The following SCAMP3 variants were observed in gnomAD, a reference collection of about 807,000 sequenced individuals.
SCAMP3 encodes the protein secretory carrier-associated membrane protein 3.
In SCAMP3, 30 loss-of-function variants were observed where a neutral mutation model predicts 44.1. That is an observed-to-expected ratio of 0.68 (90% CI 0.51 to 0.92). The LOEUF is 0.92. Ranked by LOEUF, SCAMP3 falls within the 40% of genes least tolerant of loss-of-function variation. SCAMP3 has a pLI of 0.00. For synonymous variants in SCAMP3, 168 were observed against 171.1 expected, an observed-to-expected ratio of 0.98 and a Z score of 0.14; for missense variants, 394 against 440.0, an observed-to-expected ratio of 0.90 and a Z score of 0.93.
At chr1:155,260,136 T>A (rs1360120492) in intron 4 of SCAMP3, among the ~76,000 whole-genome samples, 194 bp downstream of exon 4, 1 of 152,110 alleles carries the variant, frequency 6.6e-6, no homozygotes, top group Non-Finnish European at 1.5e-5. Context: ...GTGTGTGTAT[T>A]TTTAGTAGAT....
chr1:155,260,444 C>T lies in SCAMP3; in HGVS notation c.274G>A (p.Ala92Thr). The change falls in exon 4 of 9, where the codon GCT becomes ACT. Residue 92 changes from alanine to threonine, a missense_variant. Physicochemically the swap from Ala to Thr is moderately conservative, Grantham distance 58. Coordinates refer to ENST00000302631, the MANE Select transcript of SCAMP3 (RefSeq NM_005698.4). ...NYGSYSTQAS[A>T]AAATAELLKK... The stretch of plus-strand genomic sequence containing the variant: ...AGCAGCTCAGCTGTGGCTGCTGCAG[C>T]TGAGGCCTGCCCAGTGTGAGCAGAC... 1 of 1,614,196 alleles carries T rather than the reference C, an allele frequency of 6.2e-7. No individual in the cohort carries two copies. The highest frequency in any genetic ancestry group is 1.3e-5 in the African/African-American group (1 of 75,060).
chr1:155,262,211 G>A lies in SCAMP3; in HGVS notation c.-60C>T. 2 of 1,483,500 alleles carry A rather than the reference G, an allele frequency of 1.3e-6. No individual in the cohort carries two copies. Among genetic ancestry groups the A allele is most frequent in the South Asian group, 2.3e-5 (2 of 87,656 alleles). 91.9% of individuals were successfully genotyped at this position (1,483,500 alleles called of 1,614,324 possible). On this transcript the variant is annotated 5_prime_UTR_variant, in exon 1 of 9. Coordinates refer to ENST00000302631, the MANE Select transcript of SCAMP3 (RefSeq NM_005698.4). Reference sequence around the variant, plus strand: ...CCACGCCCCTGCCGCAGCAGTGGCGGTAGCGGTAGCCCTCAGAGTCCACTT... The same window carrying A: ...CCACGCCCCTGCCGCAGCAGTGGCGATAGCGGTAGCCCTCAGAGTCCACTT...
Position 155,262,285 on chromosome 1 carries a change from G to A in SCAMP3, c.-134C>T, listed in dbSNP as rs1224515379. On this transcript the variant is annotated 5_prime_UTR_variant, in exon 1 of 9. Coordinates refer to ENST00000302631, the MANE Select transcript of SCAMP3 (RefSeq NM_005698.4). ...TCTCTGTGCACGGATTGGTTCCACC[G>A]ACCGGAAGGGCCACAAGGATCCCCG... is the stretch of plus-strand genomic sequence containing the variant. 2.6e-6 allele frequency: 2 copies of A among 764,578 alleles called. No individual in the cohort carries two copies. The highest frequency in any genetic ancestry group is 4.1e-6 in the Non-Finnish European group (2 of 485,352). The allele number at this position is 764,578 out of a possible 1,614,324, so 47.4% of individuals were successfully genotyped here.
rs1297146975 is a variant in SCAMP3 at position 155,260,759 on chromosome 1, A to G, written c.145-100T>C. 3.7e-6 allele frequency: 4 copies of G among 1,077,312 alleles called. No individual in the cohort carries two copies. The African/African-American group carries it at 6.3e-5, about 17-fold the overall frequency. The allele number at this position is 1,077,312 out of a possible 1,614,324, so 66.7% of individuals were successfully genotyped here. A position where few individuals can be genotyped will look rare whatever the true frequency, so the allele number is the denominator to read the frequency against. ...AGACCCAGAACTCATGATGTAAGGA[A>G]GCAGCCTTTCCCCCATTTGTTAGGA... On this transcript the variant is annotated intron_variant, in intron 2 of 8. Transcript: ENST00000302631.
Position 155,262,088 on chromosome 1 carries a change from G to GA in SCAMP3, c.63dup (p.Gln22SerfsTer18), listed in dbSNP as rs1305673574. 1 of 1,614,132 alleles carries GA rather than the reference G, an allele frequency of 6.2e-7. No individual in the cohort carries two copies. Among genetic ancestry groups the GA allele is most frequent in the Non-Finnish European group, 8.5e-7 (1 of 1,179,962 alleles). On this transcript the variant is annotated frameshift_variant, in exon 1 of 9. Transcript: ENST00000302631. LOFTEE classifies it high-confidence loss of function. Reference sequence around the variant, plus strand: ...AGAGGCCGACTGGCGCAAGTCACCTGAAAGGGGTTGTCAAGCTCGCTGGGC... The same window carrying GA: ...AGAGGCCGACTGGCGCAAGTCACCTGAAAAGGGGTTGTCAAGCTCGCTGGGC...
At chr1:155,261,901 G>A in intron 1 of SCAMP3, 167 bp from the exon 2 acceptor site, 2 of 799,904 alleles carry the variant, frequency 2.5e-6, no homozygotes, top group Non-Finnish European at 2.1e-6. Context: ...AACACTGCCA[G>A]CACCAGCCCA....
In SCAMP3 at chr1:155,261,661, C is replaced by T. The variant is rs939991425; in HGVS notation, c.140G>A (p.Arg47Gln). Residue 47 changes from arginine to glutamine, a missense_variant, in exon 2 of 9, where the codon CGG becomes CAG. By Grantham distance (43) the Arg-to-Gln change is conservative. Transcript: ENST00000302631. The part of the protein sequence containing the change: ...TLDVYNPFET[R>Q]EPPPAYEPPA... ...CTATGCTCTCCAGTAGCTCACCTCC[C>T]GGGTCTCAAAAGGGTTGTAGACGTC... The T allele has an allele frequency of 5.6e-6, 9 of 1,613,928 alleles. 1 individual carries two copies. In the South Asian group the frequency reaches 7.7e-5, roughly 14 times the overall value.
chr1:155,261,659 C>G lies in SCAMP3; in HGVS notation c.142G>C (p.Glu48Gln), dbSNP rs748265485. ...TCCTATGCTCTCCAGTAGCTCACCT[C>G]CCGGGTCTCAAAAGGGTTGTAGACG... is the stretch of plus-strand genomic sequence containing the variant. ...LDVYNPFETR[E>Q]PPPAYEPPAP... The change falls in exon 2 of 9, where the codon GAG becomes CAG. Residue 48 changes from glutamate to glutamine, a missense_variant and splice_region_variant. By Grantham distance (29) the Glu-to-Gln change is conservative (BLOSUM62 2). Coordinates refer to ENST00000302631, the MANE Select transcript of SCAMP3 (RefSeq NM_005698.4). 2.5e-6 allele frequency: 4 copies of G among 1,613,952 alleles called. No individual in the cohort carries two copies. The Admixed American group carries it at 6.7e-5, about 27-fold the overall frequency.
Position 155,256,764 on chromosome 1 carries a change from C to T in SCAMP3, c.807G>A (p.Pro269=), listed in dbSNP as rs368184754. ...GCACGGATACTGCTGTGTTGCCCTT[C>T]GGCACCACCAGAGCAGAGATCCAGC... ...FSGWISALVV[P]KGNTAVSVLM... is the part of the protein sequence containing the mutation. Residue 269 remains proline (P), a synonymous_variant, in exon 8 of 9, where the codon CCG becomes CCA. Transcript: ENST00000302631. The T allele has an allele frequency of 3.0e-5, 48 of 1,613,970 alleles. No homozygotes were observed. Among genetic ancestry groups the T allele is most frequent in the East Asian group, 8.9e-5 (4 of 44,892 alleles).
At chr1:155,258,349 T>G (rs959023152) in intron 5 of SCAMP3, among the ~76,000 whole-genome samples, 4 of 134,822 alleles carry the variant, frequency 3.0e-5, no homozygotes, top group African/African-American at 1.2e-4. Flanking sequence ...TTTTTTTTTT[T>G]TTTTGAGATG....
At position 155,256,186 on chromosome 1, in the gene SCAMP3, T is replaced by C; in HGVS notation, c.*87A>G. 1.1e-5 allele frequency: 15 copies of C among 1,347,946 alleles called. No individual in the cohort carries two copies. Among genetic ancestry groups the C allele is most frequent in the Non-Finnish European group, 1.5e-5 (15 of 988,156 alleles). 83.5% of individuals were successfully genotyped at this position (1,347,946 alleles called of 1,614,324 possible). On this transcript the variant is annotated 3_prime_UTR_variant, in exon 9 of 9. Coordinates refer to ENST00000302631, the MANE Select transcript of SCAMP3 (RefSeq NM_005698.4). ...GCACTACGGAGGAGCCATCAGTTAG[T>C]GATGTCTCTCCAAGTCCCAGAGACC...
rs751039504 is a variant in SCAMP3 at position 155,256,331 on chromosome 1, C to G, written c.986G>C (p.Arg329Pro). 6.2e-7 allele frequency: 1 copy of G among 1,605,114 alleles called. No individual in the cohort carries two copies. Among genetic ancestry groups the G allele is most frequent in the Admixed American group, 1.7e-5 (1 of 59,472 alleles). The change falls in exon 9 of 9, where the codon CGA becomes CCA. Residue 329 changes from arginine to proline, a missense_variant. By Grantham distance (103) the Arg-to-Pro change is moderately radical (BLOSUM62 -2). Transcript: ENST00000302631. ...AGCGGCTGCATTGGCAGCTGCGGTT[C>G]GCACCGCAGGGTTGGAGAAGACACC... Reference protein sequence around the residue: ...AAGVFSNPAVRTAAANAAAGA... With the variant: ...AAGVFSNPAVPTAAANAAAGA...
Position 155,261,699 on chromosome 1 carries a change from C to T in SCAMP3, c.102G>A (p.Gln34=). 1 of 1,614,138 alleles carries T rather than the reference C, an allele frequency of 6.2e-7. No homozygotes were observed. ...PAVIQHRPSR[Q]YATLDVYNPF... ...GGTTGTAGACGTCAAGCGTGGCATA[C>T]TGCCGGCTGGGTCGGTGCTGGATCA... Residue 34 remains glutamine (Q), a synonymous_variant, in exon 2 of 9, where the codon CAG becomes CAA. Transcript: ENST00000302631.
rs138075058 is a variant in SCAMP3 at position 155,256,644 on chromosome 1, T to A, written c.897+30A>T. On this transcript the variant is annotated intron_variant, in intron 8 of 8. Coordinates refer to ENST00000302631, the MANE Select transcript of SCAMP3 (RefSeq NM_005698.4). ...CCCCTGGGGACCCATGATCTCACCA[T>A]CCCGGCCCCACCTTCGACACAGCCC... 7.1e-5 allele frequency: 113 copies of A among 1,588,500 alleles called. No individual in the cohort carries two copies. The African/African-American group carries it at 1.4e-3, about 20-fold the overall frequency.
At position 155,261,750 on chromosome 1, in the gene SCAMP3, CG is replaced by C; in HGVS notation, c.67-17del. 6.2e-7 allele frequency: 1 copy of C among 1,613,122 alleles called. No homozygotes were observed. The highest frequency in any genetic ancestry group is 8.5e-7 in the Non-Finnish European group (1 of 1,179,610). On this transcript the variant is annotated splice_polypyrimidine_tract_variant and intron_variant, in intron 1 of 8. Coordinates refer to ENST00000302631, the MANE Select transcript of SCAMP3 (RefSeq NM_005698.4). ...CAGCTGGGTCCTGAGGGCAGAGACCCGGGTCTCAGCTGGCACCCAGTGCCAC... is the reference window on the plus strand; with the variant it reads ...CAGCTGGGTCCTGAGGGCAGAGACCCGGTCTCAGCTGGCACCCAGTGCCAC...
chr1:155,261,638 A>G lies in SCAMP3; in HGVS notation c.144+19T>C, dbSNP rs961131399. On this transcript the variant is annotated intron_variant, in intron 2 of 8. Coordinates refer to ENST00000302631, the MANE Select transcript of SCAMP3 (RefSeq NM_005698.4). ...AAACCCTTCCCTTCCTTGAACTCCT[A>G]TGCTCTCCAGTAGCTCACCTCCCGG... is the stretch of plus-strand genomic sequence containing the variant. 8 of 1,608,778 alleles carry G rather than the reference A, an allele frequency of 5.0e-6. No individual in the cohort carries two copies. Among genetic ancestry groups the G allele is most frequent in the South Asian group, 3.3e-5 (3 of 90,992 alleles).
chr1:155,259,169 T>C (rs1220677903), intron 4 of SCAMP3, among the ~76,000 whole-genome samples: 1 of 146,632 alleles, frequency 6.8e-6, no homozygotes, highest in Non-Finnish European at 1.5e-5. Flanking sequence ...ACCTCAGCTT[T>C]TTTTTTTTTT....
At chr1:155,258,430 G>A (rs1158962379) in intron 5 of SCAMP3, among the ~76,000 whole-genome samples, 10 of 144,302 alleles carry the variant, frequency 6.9e-5, no homozygotes, top group Non-Finnish European at 1.2e-4. Flanking sequence ...TCCACTTCCC[G>A]GGTTCAAGTG....
At position 155,257,561 on chromosome 1, in the gene SCAMP3, C is replaced by G; in HGVS notation, c.614G>C (p.Trp205Ser). 6.2e-7 allele frequency: 1 copy of G among 1,609,356 alleles called. No individual in the cohort carries two copies. The highest frequency in any genetic ancestry group is 8.5e-7 in the Non-Finnish European group (1 of 1,177,406). The change falls in exon 6 of 9, where the codon TGG becomes TCG. Residue 205 changes from tryptophan (W) to serine (S), a missense_variant. By Grantham distance (177) the Trp-to-Ser change is radical. Coordinates refer to ENST00000302631, the MANE Select transcript of SCAMP3 (RefSeq NM_005698.4). ...GGAGCAGGGAGTGAAAAGGAGGACCCAGAGGATAGAAAGCCCAAAGCCTGC... is the reference window on the plus strand; with the variant it reads ...GGAGCAGGGAGTGAAAAGGAGGACCGAGAGGATAGAAAGCCCAAAGCCTGC... ...NGAGFGLSIL[W>S]VLLFTPCSFV...
Sources: gnomAD v4.1 joint callset for allele counts (sites outside exome capture counted in the v4.1 genomes callset) on GRCh38, gnomAD v4.1.1 for gene constraint, MANE v1.5 for transcripts, NCBI Gene and HGNC (gene_info 2026-07-23, HGNC 2026-07-21) for gene names.